The following RIMBP2 variants were observed in gnomAD, a reference collection of about 807,000 sequenced individuals.
RIMBP2 encodes RIMS-binding protein 2.
In RIMBP2, 48 loss-of-function variants were observed where a neutral mutation model predicts 118.6. That is an observed-to-expected ratio of 0.40 (90% CI 0.32 to 0.51). RIMBP2 has a LOEUF of 0.51. RIMBP2 is among the 20% of genes least tolerant of loss of function. The probability of loss-of-function intolerance (pLI) is 0.41; values close to 1 mark genes in which losing one functional copy is unlikely to be tolerated. For synonymous variants in RIMBP2, 762 were observed against 742.9 expected, an observed-to-expected ratio of 1.03 and a Z score of -0.42; for missense variants, 1,551 against 1,768.3, an observed-to-expected ratio of 0.88 and a Z score of 2.20.
Position 130,688,572 on chromosome 12 carries a change from A to C in RIMBP2, c.-352+27650T>G, listed in dbSNP as rs2065168456. On this transcript the variant is annotated intron_variant, in intron 1 of 22. Transcript: ENST00000690449. The surrounding 1 kb of genome is among the most constrained non-coding windows in gnomAD (Gnocchi z 4.7). ...CTCCATCCGTTACCCCCTGTCAGTT[A>C]CCCCGGGTGACCCTTAGGACTCTGA... is the stretch of plus-strand genomic sequence containing the variant. Among the ~76,000 whole-genome samples the C allele has an allele frequency of 6.8e-6, 1 of 146,164 alleles. No homozygotes were observed. Among genetic ancestry groups the C allele is most frequent in the African/African-American group, 2.6e-5 (1 of 38,158 alleles).
At chr12:130,612,452 C>T (rs2060616360) in intron 2 of RIMBP2, among the ~76,000 whole-genome samples, 1 of 152,166 alleles carries the variant, frequency 6.6e-6, no homozygotes, top group Non-Finnish European at 1.5e-5. Context: ...CCAATCCAGA[C>T]AAAGTTTGGC....
intron 4 of RIMBP2, among the ~76,000 whole-genome samples, chr12:130,483,540 C>G (rs901765268): frequency 6.6e-6 from 1 of 152,138 alleles, no homozygotes; most frequent in African/African-American, 2.4e-5. Context: ...GCCAAGGAAG[C>G]CCCCCACCAA....
At position 130,396,729 on chromosome 12, in the gene RIMBP2, T is replaced by G. The variant is rs1273586274; in HGVS notation, c.*632A>C. The G allele has an allele frequency of 6.6e-6, 1 of 152,662 alleles. No individual in the cohort carries two copies. The highest frequency in any genetic ancestry group is 1.5e-5 in the Non-Finnish European group (1 of 68,042). 9.5% of individuals were successfully genotyped at this position (152,662 alleles called of 1,614,324 possible). A position where few individuals can be genotyped will look rare whatever the true frequency, so the allele number is the denominator to read the frequency against. On this transcript the variant is annotated 3_prime_UTR_variant, in exon 23 of 23. Coordinates refer to ENST00000690449, the MANE Select transcript of RIMBP2 (RefSeq NM_001393629.1). The stretch of plus-strand genomic sequence containing the variant: ...CTCTCCTTTTCTCTTTTTTGAATGA[T>G]TGAGTAAACATTTTCTGTGTGTAGC...
intron 1 of RIMBP2, among the ~76,000 whole-genome samples, chr12:130,692,879 G>T (rs1302563319): frequency 6.6e-6 from 1 of 150,558 alleles, no homozygotes; most frequent in Admixed American, 6.6e-5. Flanking sequence ...GGTAGGGTAG[G>T]GTAGGGTAGG....
intron 2 of RIMBP2, among the ~76,000 whole-genome samples, chr12:130,582,014 T>C (rs1338831187): frequency 1.3e-5 from 2 of 152,068 alleles, no homozygotes; most frequent in Non-Finnish European, 2.9e-5. Context: ...TCCCTCTGCC[T>C]GGCACTCTCT....
chr12:130,472,638 T>C (rs1457207103), intron 5 of RIMBP2, among the ~76,000 whole-genome samples: 1 of 152,224 alleles, frequency 6.6e-6, no homozygotes, highest in African/African-American at 2.4e-5. Context: ...ACATCATAAA[T>C]AAGCAAGTGA....
chr12:130,414,354 A>T (rs1593216471), intron 17 of RIMBP2, 48 bp from the exon 18 acceptor site: 2 of 1,515,326 alleles, frequency 1.3e-6, no homozygotes. Flanking sequence ...AGCCTAACTG[A>T]GGAGCGTGCA....
chr12:130,571,161 C>T (rs551567278), intron 2 of RIMBP2, among the ~76,000 whole-genome samples: 3 of 143,452 alleles, frequency 2.1e-5, no homozygotes, highest in East Asian at 4.2e-4. Context: ...ATAGGCTTTA[C>T]TGGGTCTGCA....
At chr12:130,543,666 T>TC (rs2054819414) in intron 2 of RIMBP2, among the ~76,000 whole-genome samples, 1 of 151,492 alleles carries the variant, frequency 6.6e-6, no homozygotes, top group Admixed American at 6.6e-5. Flanking sequence ...TTTCTTCCAT[T>TC]CCCCCAGTTC....
chr12:130,671,480 C>T (rs1040436254), intron 1 of RIMBP2, among the ~76,000 whole-genome samples: 1 of 152,160 alleles, frequency 6.6e-6, no homozygotes, highest in Non-Finnish European at 1.5e-5. Context: ...GGATTTAAGC[C>T]GCATGAGAAC....
chr12:130,492,214 A>C (rs1311259940), intron 4 of RIMBP2, among the ~76,000 whole-genome samples: 1 of 152,212 alleles, frequency 6.6e-6, no homozygotes, highest in Non-Finnish European at 1.5e-5. Flanking sequence ...GAATGCAAGC[A>C]CTCACAGAAC....
chr12:130,637,394 A>T (rs1401559959), intron 1 of RIMBP2, among the ~76,000 whole-genome samples: 2 of 152,266 alleles, frequency 1.3e-5, no homozygotes, highest in African/African-American at 4.8e-5. Context: ...ATTTCGAGTG[A>T]ATGAATGAAT....
intron 1 of RIMBP2, among the ~76,000 whole-genome samples, chr12:130,687,386 G>A (rs1466905619): frequency 6.6e-6 from 1 of 152,148 alleles, no homozygotes; most frequent in Non-Finnish European, 1.5e-5. Context: ...TGTAAGATGT[G>A]GTATAGGAGG....
chr12:130,481,993 A>C (rs994371123), intron 4 of RIMBP2, among the ~76,000 whole-genome samples: 10 of 147,262 alleles, frequency 6.8e-5, no homozygotes, highest in Non-Finnish European at 1.2e-4. Context: ...AACCAGCTGC[A>C]TACATTGCAG....
intron 1 of RIMBP2, among the ~76,000 whole-genome samples, chr12:130,711,546 T>C: frequency 6.6e-6 from 1 of 152,230 alleles, no homozygotes; most frequent in East Asian, 1.9e-4. Flanking sequence ...GAAGATGCTA[T>C]TTGGAGTGAT....
At chr12:130,534,667 T>C (rs1196124708) in intron 2 of RIMBP2, among the ~76,000 whole-genome samples, 3 of 152,244 alleles carry the variant, frequency 2.0e-5, no homozygotes, top group African/African-American at 7.2e-5. Flanking sequence ...TGCAGAGGCA[T>C]GAACATAGCT....
intron 3 of RIMBP2, among the ~76,000 whole-genome samples, chr12:130,517,261 C>T (rs966873161): frequency 5.9e-5 from 9 of 152,110 alleles, no homozygotes; most frequent in Non-Finnish European, 7.4e-5. Context: ...GTCCCCTTGC[C>T]GCGGGGCACC....
chr12:130,680,503 A>C (rs573721348), intron 1 of RIMBP2, among the ~76,000 whole-genome samples: 1 of 152,290 alleles, frequency 6.6e-6, no homozygotes, highest in Non-Finnish European at 1.5e-5. Context: ...ACTCAGATAC[A>C]CACATACACA....
chr12:130,650,733 AGTT>A (rs1209792052), intron 1 of RIMBP2, among the ~76,000 whole-genome samples: 1 of 152,154 alleles, frequency 6.6e-6, no homozygotes, highest in Non-Finnish European at 1.5e-5. Flanking sequence ...GGAGACTCTG[AGTT>A]GTTTTCTTAA....
Sources: gnomAD v4.1 joint callset for allele counts (sites outside exome capture counted in the v4.1 genomes callset) on GRCh38, gnomAD v4.1.1 for gene constraint, Gnocchi (gnomAD v3.1) non-coding constraint, MANE v1.5 for transcripts, NCBI Gene and HGNC (gene_info 2026-07-23, HGNC 2026-07-21) for gene names.